Variants in FHOD3 observed in about 807,000 individuals in gnomAD.
FHOD3 encodes FH1/FH2 domain-containing protein 3.
A neutral mutation model predicts 173.0 loss-of-function variants in FHOD3; 90 were observed. The observed-to-expected ratio is 0.52, with a 90% CI of 0.44 to 0.62. The LOEUF is 0.62. Among genes scored for constraint, FHOD3 ranks in the 20% least tolerant of loss-of-function variants. FHOD3 has a pLI of 0.00. For missense variants in FHOD3, 1,945 were observed against 2,034.7 expected (o/e 0.96, Z 0.85); for synonymous variants, 828 against 823.0 (o/e 1.01, Z -0.10).
At chr18:36,556,187 A>G (rs2057875029) in intron 5 of FHOD3, among the ~76,000 whole-genome samples, 1 of 151,950 alleles carries the variant, frequency 6.6e-6, no homozygotes, top group African/African-American at 2.4e-5. Flanking sequence ...CTGTAATTCC[A>G]TTATCTTCAT....
chr18:36,299,301 T>A (rs2091895135), intron 1 of FHOD3, among the ~76,000 whole-genome samples: 1 of 152,204 alleles, frequency 6.6e-6, no homozygotes, highest in Non-Finnish European at 1.5e-5. Flanking sequence ...CAAAAGCACA[T>A]TTGATTGGGA....
chr18:36,353,271 C>A (rs984201708), intron 1 of FHOD3, among the ~76,000 whole-genome samples: 3 of 152,156 alleles, frequency 2.0e-5, no homozygotes, highest in African/African-American at 7.2e-5. Context: ...AGGATTAACC[C>A]CTTCAAATGA....
chr18:36,708,960 A>G, intron 17 of FHOD3, 135 bp from the exon 18 acceptor site: 1 of 1,066,776 alleles, frequency 9.4e-7, no homozygotes, highest in Non-Finnish European at 1.4e-6. Context: ...TTGAATAACC[A>G]GGGCATAGGT....
chr18:36,594,856 C>A lies in FHOD3; in HGVS notation c.676C>A (p.Pro226Thr), dbSNP rs903340629. The A allele has an allele frequency of 6.2e-7, 1 of 1,613,786 alleles. No individual in the cohort carries two copies. The highest frequency in any genetic ancestry group is 8.5e-7 in the Non-Finnish European group (1 of 1,179,930). Residue 226 changes from proline to threonine, a missense_variant, in exon 7 of 29, where the codon CCT becomes ACT. Transcript: ENST00000590592. The part of the protein sequence containing the change: ...VFVEYSESNA[P>T]LLIQAVTAVD... ...TGTAGAGTACTCGGAGTCCAACGCA[C>A]CTCTCCTAATTCAGGCTGTCACTGC... is the stretch of plus-strand genomic sequence containing the variant.
chr18:36,696,941 C>T (rs181069839), intron 17 of FHOD3, among the ~76,000 whole-genome samples: 42 of 152,304 alleles, frequency 2.8e-4, no homozygotes, highest in African/African-American at 9.1e-4. Context: ...GGGTAGACAT[C>T]AGAATATCTA....
At chr18:36,678,137 T>G (rs2037982160) in intron 14 of FHOD3, among the ~76,000 whole-genome samples, 2 of 152,190 alleles carry the variant, frequency 1.3e-5, no homozygotes, top group African/African-American at 4.8e-5. Flanking sequence ...TGCTTTTTAC[T>G]TTTCTTAGTA....
intron 2 of FHOD3, among the ~76,000 whole-genome samples, chr18:36,368,103 C>T (rs909533084): frequency 6.8e-6 from 1 of 148,092 alleles, no homozygotes; most frequent in Non-Finnish European, 1.5e-5. Context: ...AGCTCCTATT[C>T]TCTCTCTCTC....
intron 5 of FHOD3, among the ~76,000 whole-genome samples, chr18:36,562,102 C>T (rs969933768): frequency 7.2e-5 from 11 of 152,136 alleles, no homozygotes; most frequent in Middle Eastern, 3.4e-3. Context: ...CTGCAACCTC[C>T]GCCTCCCGGA....
chr18:36,306,458 G>T (rs1246952482), intron 1 of FHOD3, among the ~76,000 whole-genome samples: 1 of 152,178 alleles, frequency 6.6e-6, no homozygotes, highest in Non-Finnish European at 1.5e-5. Context: ...GGAAAGAGAG[G>T]AAAAGTTAGA....
intron 14 of FHOD3, among the ~76,000 whole-genome samples, chr18:36,666,025 C>T (rs1426945621): frequency 2.6e-5 from 4 of 152,198 alleles, no homozygotes; most frequent in African/African-American, 7.2e-5. Flanking sequence ...TCAGGGCCTA[C>T]AAAGGGGCCA....
intron 7 of FHOD3, among the ~76,000 whole-genome samples, chr18:36,597,032 G>A (rs2030555373): frequency 6.6e-6 from 1 of 152,168 alleles, no homozygotes; most frequent in African/African-American, 2.4e-5. Flanking sequence ...GGTTGCTTGA[G>A]GACAACTAAC....
intron 23 of FHOD3, 51 bp downstream of exon 23, chr18:36,744,244 A>G (rs1309493284): frequency 3.2e-6 from 5 of 1,569,152 alleles, no homozygotes; most frequent in Non-Finnish European, 4.3e-6. Context: ...CAGCCACGGG[A>G]TCTTTATCGG....
At chr18:36,767,789 C>G (rs2043203344) in intron 27 of FHOD3, among the ~76,000 whole-genome samples, 1 of 152,122 alleles carries the variant, frequency 6.6e-6, no homozygotes, top group Non-Finnish European at 1.5e-5. Flanking sequence ...TACTTTATAG[C>G]ACAGTGTGTA....
At chr18:36,521,957 T>C (rs964374564) in intron 5 of FHOD3, among the ~76,000 whole-genome samples, 4 of 152,222 alleles carry the variant, frequency 2.6e-5, no homozygotes, top group African/African-American at 9.6e-5. Flanking sequence ...GTTCACACAT[T>C]ATCTTTTGCT....
chr18:36,579,158 A>G (rs1210127928), intron 6 of FHOD3, among the ~76,000 whole-genome samples: 2 of 152,032 alleles, frequency 1.3e-5, no homozygotes, highest in Admixed American at 6.6e-5. Context: ...TTTCATGTTC[A>G]TTTGGAACCT....
At chr18:36,493,213 CTT>C (rs60189688) in intron 3 of FHOD3, among the ~76,000 whole-genome samples, 1,864 of 138,092 alleles carry the variant, frequency 0.013, 19 homozygotes, top group African/African-American at 0.039. Context: ...TTTTCTTTTT[CTT>C]TTTTTTTTTT....
intron 3 of FHOD3, among the ~76,000 whole-genome samples, chr18:36,400,265 G>A (rs2048742318): frequency 6.6e-6 from 1 of 152,180 alleles, no homozygotes; most frequent in African/African-American, 2.4e-5. Context: ...CAGTATTTAA[G>A]CAAGACCTTA....
chr18:36,584,382 A>G (rs777334811), intron 6 of FHOD3, among the ~76,000 whole-genome samples: 11 of 152,220 alleles, frequency 7.2e-5, no homozygotes, highest in Non-Finnish European at 1.2e-4. Flanking sequence ...GCTGGAAGCC[A>G]GAAGTCCAAT....
intron 1 of FHOD3, among the ~76,000 whole-genome samples, chr18:36,316,470 A>T (rs932818248): frequency 7.9e-5 from 12 of 152,240 alleles, no homozygotes; most frequent in African/African-American, 2.9e-4. Context: ...AATCCTTCAG[A>T]TGGATAGCGA....
Sources: gnomAD v4.1 joint callset for allele counts (sites outside exome capture counted in the v4.1 genomes callset) on GRCh38, gnomAD v4.1.1 for gene constraint, MANE v1.5 for transcripts, NCBI Gene and HGNC (gene_info 2026-07-23, HGNC 2026-07-21) for gene names.